Variants in KANSL3 observed in about 807,000 individuals in gnomAD.
KANSL3 encodes the protein KAT8 regulatory NSL complex subunit 3.
Under a neutral mutation model 89.2 loss-of-function variants are expected in KANSL3, and 16 were observed. The observed-to-expected ratio is 0.18, with a 90% CI of 0.12 to 0.27. The LOEUF (loss-of-function observed/expected upper bound fraction) is 0.27, where lower values mean the gene tolerates loss of function less well. Among genes scored for constraint, KANSL3 ranks in the 10% least tolerant of loss-of-function variants. The pLI, the probability that KANSL3 is intolerant of heterozygous loss-of-function variation, is 1.00. For synonymous variants in KANSL3, 385 were observed against 419.7 expected, an observed-to-expected ratio of 0.92 and a Z score of 1.01; for missense variants, 879 against 1,110.6, an observed-to-expected ratio of 0.79 and a Z score of 2.96.
rs1045931389 is a variant in KANSL3, at chr2:96,595,373, G to A, written c.*238C>T. ...ATCCATGTACAGCCAGATCTGCTGAGGAGTCTGGGGTTCCCAGGAACCAGA... is the reference window on the plus strand; with the variant it reads ...ATCCATGTACAGCCAGATCTGCTGAAGAGTCTGGGGTTCCCAGGAACCAGA... On this transcript the variant is annotated 3_prime_UTR_variant, in exon 21 of 21. Coordinates refer to ENST00000431828, the MANE Select transcript of KANSL3 (RefSeq NM_001115016.3). 1.9e-6 allele frequency: 1 copy of A among 521,438 alleles called. No homozygotes were observed. The highest frequency in any genetic ancestry group is 1.9e-5 in the African/African-American group (1 of 52,294). The allele number at this position is 521,438 out of a possible 1,614,324, so 32.3% of individuals were successfully genotyped here.
rs930230104 is a variant in KANSL3, at chr2:96,594,731, T to C, written c.*880A>G. On this transcript the variant is annotated 3_prime_UTR_variant, in exon 21 of 21. Transcript: ENST00000431828. ...TATCTCCAGCTGAACCACCAGTTCC[T>C]TGGGTAGCAGAGCAGAGACCTAAGC... 8 of 152,288 alleles carry C rather than the reference T, an allele frequency of 5.3e-5. No homozygotes were observed. The highest frequency in any genetic ancestry group is 1.7e-4 in the African/African-American group (7 of 41,466). 9.4% of individuals were successfully genotyped at this position (152,288 alleles called of 1,614,324 possible). A position where few individuals can be genotyped will look rare whatever the true frequency, so the allele number is the denominator to read the frequency against.
intron 5 of KANSL3, among the ~76,000 whole-genome samples, chr2:96,614,782 A>G (rs984861874): frequency 2.6e-5 from 4 of 151,352 alleles, no homozygotes; most frequent in Admixed American, 2.6e-4. Context: ...AAAAAAGAAA[A>G]AAAAAAAAAA....
downstream of KANSL3, among the ~76,000 whole-genome samples, chr2:96,591,324 A>G (rs986911048): frequency 1.3e-5 from 2 of 152,210 alleles, no homozygotes; most frequent in African/African-American, 4.8e-5. Flanking sequence ...TGCTAGGGTC[A>G]GGAATGGTGG....
downstream of KANSL3, among the ~76,000 whole-genome samples, chr2:96,590,490 A>G (rs1381844314): frequency 6.6e-6 from 1 of 151,890 alleles, no homozygotes; most frequent in African/African-American, 2.4e-5. Context: ...GGGTCTATCT[A>G]TGTTGCCTAG....
intron 16 of KANSL3, 80 bp downstream of exon 16, chr2:96,604,699 A>C (rs1333604864): frequency 7.9e-6 from 10 of 1,269,136 alleles, no homozygotes; most frequent in Non-Finnish European, 1.1e-5. Context: ...AGAATCCATC[A>C]TTTTCCAAAG....
chr2:96,608,679 A>G lies in KANSL3; in HGVS notation c.1585-15T>C. 1 of 1,613,984 alleles carries G rather than the reference A, an allele frequency of 6.2e-7. No individual in the cohort carries two copies. Among genetic ancestry groups the G allele is most frequent in the South Asian group, 1.1e-5 (1 of 91,076 alleles). On this transcript the variant is annotated splice_polypyrimidine_tract_variant and intron_variant, in intron 13 of 20. Transcript: ENST00000431828. ...CTGGAGAGATCCTGAGTAAGGTGAG[A>G]AGGTCAAGAGATGAGACAATGTTAC...
In KANSL3 at chr2:96,608,952, C is replaced by A. The variant is rs201965620; in HGVS notation, c.1496G>T (p.Arg499Leu). ...AGGGACTTCAAAGGCCAAGTCTCTG[C>A]GGGCCACATCGCGGGGCTTCTTCTT... ...EKKKKPRDVA[R>L]RDLAFEVPER... is the part of the protein sequence containing the mutation. The change falls in exon 13 of 21, where the codon CGC (arginine) becomes CTC (leucine). Residue 499 changes from arginine to leucine, a missense_variant. This residue lies in a region of KANSL3 where 317 missense variants were observed against 311.2 expected (regional missense o/e 1.02). Coordinates refer to ENST00000431828, the MANE Select transcript of KANSL3 (RefSeq NM_001115016.3). The A allele has an allele frequency of 1.3e-6, 2 of 1,564,178 alleles. No individual in the cohort carries two copies. The highest frequency in any genetic ancestry group is 3.8e-5 in the Admixed American group (2 of 52,202).
chr2:96,608,551 A>C lies in KANSL3; in HGVS notation c.1698T>G (p.His566Gln). 3 of 1,613,994 alleles carry C rather than the reference A, an allele frequency of 1.9e-6. No homozygotes were observed. Among genetic ancestry groups the C allele is most frequent in the Non-Finnish European group, 2.5e-6 (3 of 1,179,886 alleles). ...TCAGCACAGCTTCTGTCCGCTGCAC[A>C]TGTCTCTTCAGCAGCTGAGAACTTC... ...QIGSSQLLKR[H>Q]VQRTEAVLTH... The change falls in exon 14 of 21, where the codon CAT becomes CAG. Residue 566 changes from histidine (H) to glutamine (Q), a missense_variant. His to Gln is a conservative substitution (Grantham distance 24, BLOSUM62 0). This residue lies in a region of KANSL3 where 317 missense variants were observed against 311.2 expected (regional missense o/e 1.02). Transcript: ENST00000431828.
rs112029647 is a variant in KANSL3, at chr2:96,635,993, C to CA, written c.215+927dup. 4.0e-3 allele frequency among the ~76,000 whole-genome samples: 520 copies of CA among 131,478 alleles called. 4 individuals are homozygous for CA. Among genetic ancestry groups the CA allele is most frequent in the Middle Eastern group, 0.018 (5 of 272 alleles). The allele number at this position is 131,478 out of a possible 152,430, so 86.3% of individuals were successfully genotyped here. ...TGGGCGACAGAGCAAGACTCCATCT[C>CA]AAAAAAAAAAAAAACCACACACACA... On this transcript the variant is annotated intron_variant, in intron 2 of 20. Transcript: ENST00000431828.
intron 2 of KANSL3, among the ~76,000 whole-genome samples, chr2:96,634,511 CAAAA>C (rs775089756): frequency 1.7e-5 from 2 of 115,024 alleles, no homozygotes; most frequent in African/African-American, 3.2e-5. Context: ...GACTCCGTCT[CAAAA>C]AAAAAAAAAA....
intron 14 of KANSL3, chr2:96,606,956 A>G: frequency 7.8e-7 from 1 of 1,274,106 alleles, no homozygotes; most frequent in South Asian, 1.2e-5. Context: ...CAGGCAAGAA[A>G]GAGTAATACT....
In KANSL3 at chr2:96,604,414, G is replaced by T. The variant is rs776095693; in HGVS notation, c.2019-34C>A. ...AAAGGAAGGAGCTCTGTTATCCAAA[G>T]GTCACAGGACAGCAAGCCCTAGCAA... On this transcript the variant is annotated intron_variant, in intron 16 of 20. Coordinates refer to ENST00000431828, the MANE Select transcript of KANSL3 (RefSeq NM_001115016.3). 5 of 1,601,268 alleles carry T rather than the reference G, an allele frequency of 3.1e-6. No individual in the cohort carries two copies. In the African/African-American group the frequency reaches 6.7e-5, roughly 21 times the overall value.
In KANSL3 at chr2:96,612,279, T is replaced by C. The variant is rs1445231611; in HGVS notation, c.1086+3A>G. On this transcript the variant is annotated splice_donor_region_variant and intron_variant, in intron 9 of 20. Coordinates refer to ENST00000431828, the MANE Select transcript of KANSL3 (RefSeq NM_001115016.3). ...ACCTCCAAATAAGATAGAAATTACTTACATGACAGGCCACCAAAGCTCCTG... is the reference window on the plus strand; with the variant it reads ...ACCTCCAAATAAGATAGAAATTACTCACATGACAGGCCACCAAAGCTCCTG... The C allele has an allele frequency of 2.5e-6, 4 of 1,606,032 alleles. No individual in the cohort carries two copies.
At chr2:96,621,649 A>G (rs1163534957) in intron 3 of KANSL3, among the ~76,000 whole-genome samples, 2 of 152,062 alleles carry the variant, frequency 1.3e-5, no homozygotes, top group Non-Finnish European at 2.9e-5. Context: ...CAAAAAATAA[A>G]AAACAAAAAA....
intron 5 of KANSL3, chr2:96,615,162 T>C (rs2069763664): frequency 4.2e-5 from 2 of 48,094 alleles, no homozygotes; most frequent in Admixed American, 4.9e-4. Context: ...AGGGAGACTG[T>C]CTCAAAAAAA....
intron 5 of KANSL3, among the ~76,000 whole-genome samples, chr2:96,617,662 A>G (rs2105743274): frequency 6.6e-6 from 1 of 152,186 alleles, no homozygotes; most frequent in East Asian, 1.9e-4. Context: ...GGAATTCAAG[A>G]CGAGCCTATA....
At chr2:96,634,053 T>C (rs989322586) in intron 2 of KANSL3, 2 of 152,168 alleles carry the variant, frequency 1.3e-5, no homozygotes, top group African/African-American at 4.8e-5. Flanking sequence ...TCCCTTTCAT[T>C]AGCAAGTCAA....
chr2:96,619,500 A>T lies in KANSL3; in HGVS notation c.522T>A (p.Cys174Ter). The T allele has an allele frequency of 6.2e-7, 1 of 1,614,040 alleles. No homozygotes were observed. Among genetic ancestry groups the T allele is most frequent in the Non-Finnish European group, 8.5e-7 (1 of 1,179,892 alleles). ...PVLRRVAVDK[C>*]ARRVRQALAS... Reference sequence around the variant, plus strand: ...CCAGAGCCTGCCGCACTCTCCTTGCACACTTGTCCACAGCAACACGGCGCA... The same window carrying T: ...CCAGAGCCTGCCGCACTCTCCTTGCTCACTTGTCCACAGCAACACGGCGCA... Residue 174 changes from cysteine (C) to a stop codon, truncating the protein, a stop_gained, in exon 5 of 21, where the codon TGT becomes TGA. Coordinates refer to ENST00000431828, the MANE Select transcript of KANSL3 (RefSeq NM_001115016.3). LOFTEE classifies it high-confidence loss of function.
intron 5 of KANSL3, among the ~76,000 whole-genome samples, chr2:96,614,035 T>C (rs985983591): frequency 1.3e-5 from 2 of 151,966 alleles, no homozygotes; most frequent in African/African-American, 4.8e-5. Context: ...TGTAAGGGAG[T>C]AGTTTAGTCA....
Sources: allele counts gnomAD v4.1 joint callset (sites outside exome capture counted in the v4.1 genomes callset), GRCh38; gene constraint gnomAD v4.1.1; regional missense constraint gnomAD v4.1.1; transcripts MANE v1.5; gene names NCBI Gene and HGNC (gene_info 2026-07-23, HGNC 2026-07-21).